XRCC4: variants seen among roughly 807,000 people sequenced by gnomAD.
XRCC4 encodes DNA repair protein XRCC4.
A neutral mutation model predicts 39.1 loss-of-function variants in XRCC4; 28 were observed. The observed-to-expected ratio is 0.72, with a 90% CI of 0.53 to 0.98. XRCC4 has a LOEUF of 0.98. XRCC4 is among the 50% of genes least tolerant of loss of function. XRCC4 has a pLI of 0.00. For missense variants in XRCC4, 350 were observed against 376.4 expected (o/e 0.93, Z 0.58); for synonymous variants, 123 against 126.4 (o/e 0.97, Z 0.18).
intron 7 of XRCC4, among the ~76,000 whole-genome samples, chr5:83,316,777 A>G (rs1376540545): frequency 0.019 from 2,593 of 138,094 alleles, 65 homozygotes; most frequent in African/African-American, 0.066. Flanking sequence ...CCCCACTGTC[A>G]ACATTAGACA....
chr5:83,155,255 C>CTTTGGAGGACTACTCATCAGATT (rs1748904797), intron 3 of XRCC4, among the ~76,000 whole-genome samples: 1 of 152,040 alleles, frequency 6.6e-6, no homozygotes, highest in Non-Finnish European at 1.5e-5. Context: ...GGTCAGACTT[C>CTTTGGAGGACTACTCATCAGATT]CTTGGAGGAC....
the XRCC4 span, among the ~76,000 whole-genome samples, chr5:83,371,297 C>G: frequency 6.6e-6 from 1 of 152,142 alleles, no homozygotes; most frequent in Admixed American, 6.6e-5. Context: ...CCATATCTTC[C>G]TCACTAGAAC....
chr5:83,118,129 T>C (rs1746830507), intron 3 of XRCC4, among the ~76,000 whole-genome samples: 1 of 151,990 alleles, frequency 6.6e-6, no homozygotes, highest in South Asian at 2.1e-4. Context: ...AAGTCTCTAG[T>C]AGAATTAATG....
intron 3 of XRCC4, among the ~76,000 whole-genome samples, chr5:83,122,035 T>A (rs1453201333): frequency 6.6e-6 from 1 of 152,186 alleles, no homozygotes; most frequent in Non-Finnish European, 1.5e-5. Context: ...AATCTATTTG[T>A]TTAGCTCTGT....
At chr5:83,243,775 G>A (rs2112853988) in intron 6 of XRCC4, among the ~76,000 whole-genome samples, 1 of 152,300 alleles carries the variant, frequency 6.6e-6, no homozygotes, top group African/African-American at 2.4e-5. Context: ...GATAAAGGAA[G>A]CAAGAGATTG....
At chr5:83,124,792 A>T (rs1747179288) in intron 3 of XRCC4, among the ~76,000 whole-genome samples, 1 of 152,150 alleles carries the variant, frequency 6.6e-6, no homozygotes, top group Admixed American at 6.5e-5. Context: ...GTGTGTAATG[A>T]CTCAAATATT....
At position 83,235,135 on chromosome 5, in the gene XRCC4, G is replaced by A. The variant is rs535868353; in HGVS notation, c.746-23395G>A. 2.0e-5 allele frequency among the ~76,000 whole-genome samples: 3 copies of A among 151,644 alleles called. No individual in the cohort carries two copies. The South Asian group carries it at 6.3e-4, about 32-fold the overall frequency. ...GAATGATTTGAGCCCAGGAGTTTGA[G>A]ACCAGCCTAGGCAACATGATGAAAA... is the stretch of plus-strand genomic sequence containing the variant. On this transcript the variant is annotated intron_variant, in intron 6 of 7. Coordinates refer to ENST00000396027, the MANE Select transcript of XRCC4 (RefSeq NM_003401.5).
chr5:83,320,617 A>G (rs569418295), intron 7 of XRCC4, among the ~76,000 whole-genome samples: 1 of 151,828 alleles, frequency 6.6e-6, no homozygotes, highest in African/African-American at 2.4e-5. Context: ...AGTGTCATGA[A>G]CTTCATTGTC....
At chr5:83,195,036 TATA>T (rs1433494822) in intron 3 of XRCC4, among the ~76,000 whole-genome samples, 2 of 152,180 alleles carry the variant, frequency 1.3e-5, no homozygotes, top group Admixed American at 1.3e-4. Context: ...TAAGGATAAA[TATA>T]ATCATTATTA....
chr5:83,142,009 A>G (rs1462835030), intron 3 of XRCC4, among the ~76,000 whole-genome samples: 1 of 152,138 alleles, frequency 6.6e-6, no homozygotes, highest in Non-Finnish European at 1.5e-5. Flanking sequence ...TATCTTACCT[A>G]TCAGTTTTCA....
At chr5:83,209,093 T>A (rs201667428) in intron 6 of XRCC4, among the ~76,000 whole-genome samples, 44,008 of 149,934 alleles carry the variant, frequency 0.29, 6,647 homozygotes, top group Middle Eastern at 0.39. Flanking sequence ...AGTGTGTGTG[T>A]GTGTGTGTGT....
intron 7 of XRCC4, among the ~76,000 whole-genome samples, chr5:83,300,041 T>C (rs1225908551): frequency 6.6e-6 from 1 of 152,230 alleles, no homozygotes; most frequent in Non-Finnish European, 1.5e-5. Context: ...TTGTCTTTGC[T>C]ACTGCTTTGT....
intron 6 of XRCC4, among the ~76,000 whole-genome samples, chr5:83,242,337 T>TTGTAAATATGAAGTTC (rs1422565418): frequency 2.0e-5 from 3 of 152,198 alleles, no homozygotes; most frequent in African/African-American, 7.2e-5. Context: ...ATGTATGAGA[T>TTGTAAATATGAAGTTC]TGTAAATATG....
chr5:83,080,799 T>C (rs1744903383), intron 1 of XRCC4, among the ~76,000 whole-genome samples: 1 of 152,176 alleles, frequency 6.6e-6, no homozygotes, highest in Non-Finnish European at 1.5e-5. Flanking sequence ...GGCAATTTGG[T>C]TATGCCAAAG....
chr5:83,089,031 G>T (rs989324923), intron 1 of XRCC4, among the ~76,000 whole-genome samples: 5 of 152,202 alleles, frequency 3.3e-5, no homozygotes, highest in Non-Finnish European at 5.9e-5. Flanking sequence ...TACTCTTTTA[G>T]CTGTGTGACC....
chr5:83,365,329 G>A, the XRCC4 span, among the ~76,000 whole-genome samples: 148 of 152,258 alleles, frequency 9.7e-4, no homozygotes, highest in Middle Eastern at 3.4e-3. Flanking sequence ...TAGAATCTGG[G>A]AATTAGATGT....
intron 7 of XRCC4, among the ~76,000 whole-genome samples, chr5:83,276,614 C>G (rs928298493): frequency 6.6e-5 from 10 of 152,148 alleles, no homozygotes; most frequent in Non-Finnish European, 1.3e-4. Context: ...CACAAATGGT[C>G]TCTCCAGATG....
intron 6 of XRCC4, among the ~76,000 whole-genome samples, chr5:83,205,881 A>G (rs1704537561): frequency 6.6e-6 from 1 of 152,150 alleles, no homozygotes; most frequent in Admixed American, 6.6e-5. Flanking sequence ...GGTGAAGGTG[A>G]CATGCTGTCT....
intron 6 of XRCC4, among the ~76,000 whole-genome samples, chr5:83,232,223 T>A (rs889149539): frequency 3.9e-5 from 6 of 152,108 alleles, no homozygotes; most frequent in African/African-American, 1.4e-4. Context: ...TTTACAAAAA[T>A]TTTCTTCATT....
Sources: allele counts gnomAD v4.1 joint callset (sites outside exome capture counted in the v4.1 genomes callset), GRCh38; gene constraint gnomAD v4.1.1; transcripts MANE v1.5; gene names NCBI Gene and HGNC (gene_info 2026-07-23, HGNC 2026-07-21).